CPED1: variants seen among roughly 807,000 people sequenced by gnomAD.
The protein encoded by CPED1 is cadherin like and PC-esterase domain containing 1, also known as cadherin-like and PC-esterase domain-containing protein 1.
In CPED1, 114 loss-of-function variants were observed where a neutral mutation model predicts 128.2. The ratio of observed to expected loss-of-function variants is 0.89; its 90% confidence interval spans 0.76 to 1.04. CPED1 has a LOEUF of 1.04. Among genes scored for constraint, CPED1 ranks in the 50% least tolerant of loss-of-function variants. The pLI is 0.00. For synonymous variants in CPED1, 462 were observed against 426.7 expected (o/e 1.08, Z -1.02); for missense variants, 1,211 against 1,207.1 (o/e 1.00, Z -0.05).
chr7:121,241,821 A>G (rs1023072963), intron 17 of CPED1, among the ~76,000 whole-genome samples: 4 of 152,214 alleles, frequency 2.6e-5, no homozygotes, highest in Non-Finnish European at 5.9e-5. Context: ...ATCAGGCACT[A>G]TGGCAGGTGT....
chr7:121,195,901 T>C (rs1797260354), intron 16 of CPED1, among the ~76,000 whole-genome samples: 1 of 152,108 alleles, frequency 6.6e-6, no homozygotes, highest in African/African-American at 2.4e-5. Context: ...AGGGGTTTTC[T>C]TGAATCCAGG....
At chr7:120,989,996 A>G in intron 2 of CPED1, 126 bp downstream of exon 2, 1 of 1,122,154 alleles carries the variant, frequency 8.9e-7, no homozygotes. Flanking sequence ...TAAACAGCCT[A>G]GAGAGTGACC....
Position 121,236,778 on chromosome 7 carries a change from T to C in CPED1, c.2120T>C (p.Ile707Thr), listed in dbSNP as rs770508891. Reference protein sequence around the residue: ...CGLQPISSDYIEAILQSELKR... With the variant: ...CGLQPISSDYTEAILQSELKR... The stretch of plus-strand genomic sequence containing the variant: ...TTACAGCCTATTTCTTCTGACTACA[T>C]TGAAGCCATTTTACAGTCTGAACTA... The change falls in exon 17 of 23, where the codon ATT (isoleucine) becomes ACT (threonine). Residue 707 changes from isoleucine to threonine, a missense_variant. Ile to Thr is a moderately conservative substitution (Grantham distance 89). Transcript: ENST00000310396. 9 of 1,610,070 alleles carry C rather than the reference T, an allele frequency of 5.6e-6. No homozygotes were observed. The Admixed American group carries it at 8.5e-5, about 15-fold the overall frequency.
intron 5 of CPED1, among the ~76,000 whole-genome samples, chr7:121,085,703 G>A (rs1203282074): frequency 6.6e-6 from 1 of 152,130 alleles, no homozygotes; most frequent in Non-Finnish European, 1.5e-5. Context: ...ACTCCTTATT[G>A]AACATGGATT....
At chr7:121,271,482 T>C in intron 22 of CPED1, 52 bp downstream of exon 22, 1 of 1,533,890 alleles carries the variant, frequency 6.5e-7, no homozygotes, top group Non-Finnish European at 8.9e-7. Flanking sequence ...TTAAAATTGT[T>C]TGTTGTATCT....
chr7:121,151,818 G>C (rs548529269), intron 16 of CPED1, among the ~76,000 whole-genome samples: 53 of 152,214 alleles, frequency 3.5e-4, no homozygotes, highest in Non-Finnish European at 5.4e-4. Flanking sequence ...TCAAAGAAAG[G>C]TTGGCCCAAT....
chr7:121,224,540 T>C (rs1174114316), intron 16 of CPED1, among the ~76,000 whole-genome samples: 1 of 152,092 alleles, frequency 6.6e-6, no homozygotes, highest in Non-Finnish European at 1.5e-5. Flanking sequence ...CATTGATCTG[T>C]CTAATATTGA....
chr7:121,293,400 G>A (rs949457960), intron 22 of CPED1, among the ~76,000 whole-genome samples: 8 of 152,270 alleles, frequency 5.3e-5, no homozygotes, highest in Middle Eastern at 3.4e-3. Context: ...CTGCAGTGTT[G>A]GCAGTGAGAA....
chr7:121,074,127 C>T (rs2116102311), intron 5 of CPED1, among the ~76,000 whole-genome samples: 1 of 152,118 alleles, frequency 6.6e-6, no homozygotes, highest in African/African-American at 2.4e-5. Flanking sequence ...GAATTAGAGA[C>T]ATTGTGTTTG....
At chr7:121,135,198 G>C (rs1257298469) in intron 13 of CPED1, among the ~76,000 whole-genome samples, 1 of 151,378 alleles carries the variant, frequency 6.6e-6, no homozygotes, top group Non-Finnish European at 1.5e-5. Context: ...TCATTCCAAA[G>C]AACATCTGAG....
intron 16 of CPED1, among the ~76,000 whole-genome samples, chr7:121,234,166 CT>C (rs11334344): frequency 0.31 from 47,274 of 151,706 alleles, 7,861 homozygotes; most frequent in Middle Eastern, 0.46. Flanking sequence ...GGTTTTTCTG[CT>C]AAAAGGAAGA....
At chr7:121,294,957 A>G (rs991884548) in intron 22 of CPED1, among the ~76,000 whole-genome samples, 4 of 152,200 alleles carry the variant, frequency 2.6e-5, no homozygotes, top group African/African-American at 9.6e-5. Context: ...CAGTTAGCTT[A>G]TAAGTCTGCA....
intron 5 of CPED1, among the ~76,000 whole-genome samples, chr7:121,076,331 G>A (rs1171270848): frequency 6.6e-6 from 1 of 152,150 alleles, no homozygotes; most frequent in African/African-American, 2.4e-5. Flanking sequence ...CTACATGTGT[G>A]AAAGAACTAG....
At position 121,046,871 on chromosome 7, in the gene CPED1, A is replaced by G. The variant is rs554304814; in HGVS notation, c.434-16A>G. 5.2e-6 allele frequency: 8 copies of G among 1,535,010 alleles called. No homozygotes were observed. The highest frequency in any genetic ancestry group is 1.7e-4 in the Middle Eastern group (1 of 5,862). On this transcript the variant is annotated splice_polypyrimidine_tract_variant and intron_variant, in intron 3 of 22. Coordinates refer to ENST00000310396, the MANE Select transcript of CPED1 (RefSeq NM_024913.5). Reference sequence around the variant, plus strand: ...TGATGAAAACTTATTTGTTTTGAATATTCTTTTGCTTTTAGGTGATCTGGG... The same window carrying G: ...TGATGAAAACTTATTTGTTTTGAATGTTCTTTTGCTTTTAGGTGATCTGGG...
At chr7:121,183,409 C>A (rs1006229489) in intron 16 of CPED1, among the ~76,000 whole-genome samples, 13 of 152,238 alleles carry the variant, frequency 8.5e-5, no homozygotes, top group Admixed American at 5.2e-4. Context: ...ATATAAAGGA[C>A]CCTTGACCTC....
chr7:121,137,311 A>G (rs910258106), intron 14 of CPED1, among the ~76,000 whole-genome samples: 3 of 152,030 alleles, frequency 2.0e-5, no homozygotes, highest in African/African-American at 7.2e-5. Flanking sequence ...AGCTAGGACT[A>G]TAGGCATGAG....
chr7:121,002,416 T>C (rs1791884337), intron 2 of CPED1, among the ~76,000 whole-genome samples: 2 of 152,242 alleles, frequency 1.3e-5, no homozygotes, highest in South Asian at 4.1e-4. Flanking sequence ...AGGGCAGAAG[T>C]GATTTTGAAT....
At chr7:121,295,393 G>A in intron 22 of CPED1, 47 bp from the exon 23 acceptor site, 2 of 1,562,164 alleles carry the variant, frequency 1.3e-6, no homozygotes, top group Non-Finnish European at 1.7e-6. Context: ...TGCAGGGATT[G>A]GATATTCTTG....
chr7:121,260,995 C>T (rs553228866), intron 18 of CPED1, among the ~76,000 whole-genome samples: 4 of 152,150 alleles, frequency 2.6e-5, no homozygotes, highest in Admixed American at 1.3e-4. Flanking sequence ...GAGAAGCTAA[C>T]GAGTTATACT....
Sources: gnomAD v4.1 joint callset for allele counts (sites outside exome capture counted in the v4.1 genomes callset) on GRCh38, gnomAD v4.1.1 for gene constraint, MANE v1.5 for transcripts, NCBI Gene and HGNC (gene_info 2026-07-23, HGNC 2026-07-21) for gene names.